Variants in PAPPA observed in about 807,000 individuals in gnomAD.
PAPPA encodes pappalysin-1.
Under a neutral mutation model 164.0 loss-of-function variants are expected in PAPPA, and 60 were observed. The observed-to-expected ratio is 0.37, with a 90% CI of 0.30 to 0.45. The LOEUF is 0.45. Among genes scored for constraint, PAPPA ranks in the 20% least tolerant of loss-of-function variants. PAPPA has a pLI of 1.00. For synonymous variants in PAPPA, 875 were observed against 814.1 expected, an observed-to-expected ratio of 1.07 and a Z score of -1.27; for missense variants, 1,782 against 2,087.3, an observed-to-expected ratio of 0.85 and a Z score of 2.85.
At chr9:116,233,245 C>A (rs374041866) in intron 6 of PAPPA, among the ~76,000 whole-genome samples, 4 of 152,186 alleles carry the variant, frequency 2.6e-5, no homozygotes, top group African/African-American at 9.6e-5. Flanking sequence ...AAAATGACAA[C>A]GATCTTACAG....
chr9:116,343,672 G>A (rs1322311949), intron 13 of PAPPA, among the ~76,000 whole-genome samples: 1 of 152,140 alleles, frequency 6.6e-6, no homozygotes, highest in African/African-American at 2.4e-5. Flanking sequence ...CCGAAGCTCA[G>A]AGATGTGATG....
chr9:116,240,608 C>A (rs1844724006), intron 7 of PAPPA, among the ~76,000 whole-genome samples: 1 of 152,148 alleles, frequency 6.6e-6, no homozygotes, highest in African/African-American at 2.4e-5. Context: ...GTGTCAAGCA[C>A]TAACTAGGGA....
chr9:116,322,152 C>T (rs187901974), intron 10 of PAPPA, among the ~76,000 whole-genome samples: 56 of 152,274 alleles, frequency 3.7e-4, no homozygotes, highest in African/African-American at 1.3e-3. Flanking sequence ...GCTGGCCAGG[C>T]GCGGTGACTC....
intron 9 of PAPPA, among the ~76,000 whole-genome samples, chr9:116,291,871 A>G (rs142311272): frequency 4.3e-4 from 66 of 152,042 alleles, no homozygotes; most frequent in Middle Eastern, 3.4e-3. Flanking sequence ...AGTGAATACT[A>G]CAGTAAAGGA....
At chr9:116,258,652 A>G (rs10983090) in intron 7 of PAPPA, among the ~76,000 whole-genome samples, 9,881 of 151,700 alleles carry the variant, frequency 0.065, 537 homozygotes, top group East Asian at 0.2. Context: ...GCAAAAATAG[A>G]CCGATGAAAC....
At chr9:116,208,395 T>A (rs1052565622) in intron 3 of PAPPA, among the ~76,000 whole-genome samples, 7 of 152,202 alleles carry the variant, frequency 4.6e-5, no homozygotes, top group Admixed American at 4.6e-4. Flanking sequence ...GTCGCAGAAG[T>A]CTTATCCTTA....
chr9:116,350,569 T>C (rs948981477), intron 15 of PAPPA, among the ~76,000 whole-genome samples: 10 of 152,216 alleles, frequency 6.6e-5, no homozygotes, highest in African/African-American at 2.2e-4. Flanking sequence ...ACCACGACTT[T>C]CACTTCATAA....
chr9:116,235,477 C>T lies in PAPPA; in HGVS notation c.2572C>T (p.Leu858=), dbSNP rs189403203. Residue 858 remains leucine (L), a synonymous_variant, in exon 7 of 22, where the codon CTG becomes TTG. Coordinates refer to ENST00000328252, the MANE Select transcript of PAPPA (RefSeq NM_002581.5). ...EEVYGIQIYT[L]DEHLEIDAAM... is the part of the protein sequence containing the mutation. ...GGTGTATGGCATCCAAATCTACACG[C>T]TGGATGAGCACCTGGAGATCGATGC... 75 of 1,613,528 alleles carry T rather than the reference C, an allele frequency of 4.6e-5. No homozygotes were observed. The East Asian group carries it at 1.3e-3, about 27-fold the overall frequency.
chr9:116,211,477 T>G (rs1013447089), intron 3 of PAPPA, among the ~76,000 whole-genome samples, 162 bp from the exon 4 acceptor site: 6 of 152,212 alleles, frequency 3.9e-5, no homozygotes, highest in Non-Finnish European at 5.9e-5. Flanking sequence ...AAGTCATGAT[T>G]CATGCCATAG....
At chr9:116,253,679 C>T (rs1844888028) in intron 7 of PAPPA, among the ~76,000 whole-genome samples, 1 of 152,110 alleles carries the variant, frequency 6.6e-6, no homozygotes, top group South Asian at 2.1e-4. Context: ...CATACATAGT[C>T]ATCACTCAGT....
At chr9:116,251,851 G>A (rs1290698420) in intron 7 of PAPPA, among the ~76,000 whole-genome samples, 1 of 152,194 alleles carries the variant, frequency 6.6e-6, no homozygotes, top group African/African-American at 2.4e-5. Context: ...CCTCCAAACT[G>A]TTAAATGTCT....
At chr9:116,252,632 A>C (rs1470481940) in intron 7 of PAPPA, among the ~76,000 whole-genome samples, 1 of 152,212 alleles carries the variant, frequency 6.6e-6, no homozygotes, top group African/African-American at 2.4e-5. Flanking sequence ...TCTGACTTCT[A>C]CAGCTGGAGA....
intron 5 of PAPPA, among the ~76,000 whole-genome samples, chr9:116,220,615 A>G (rs1844432616): frequency 6.6e-6 from 1 of 151,914 alleles, no homozygotes; most frequent in South Asian, 2.1e-4. Flanking sequence ...AAGGCCGGGC[A>G]TGGTGGCTCA....
intron 19 of PAPPA, chr9:116,373,148 G>A (rs1846597445): frequency 6.6e-6 from 1 of 152,204 alleles, no homozygotes; most frequent in African/African-American, 2.4e-5. Flanking sequence ...CTGACCTAGA[G>A]ATGGAGAACT....
Position 116,271,470 on chromosome 9 carries a change from G to C in PAPPA, c.2953+54G>C. Reference sequence around the variant, plus strand: ...CATGAAGAAATGAACGGTGCAGAATGGTTGGTCAATGATAATGCCAACAAT... The same window carrying C: ...CATGAAGAAATGAACGGTGCAGAATCGTTGGTCAATGATAATGCCAACAAT... On this transcript the variant is annotated intron_variant, in intron 9 of 21. Coordinates refer to ENST00000328252, the MANE Select transcript of PAPPA (RefSeq NM_002581.5). The surrounding 1 kb of genome is among the most constrained non-coding windows in gnomAD (Gnocchi z 4.2). The C allele has an allele frequency of 7.9e-7, 1 of 1,259,988 alleles. No individual in the cohort carries two copies. Among genetic ancestry groups the C allele is most frequent in the Non-Finnish European group, 1.2e-6 (1 of 858,058 alleles). The allele number at this position is 1,259,988 out of a possible 1,614,324, so 78.1% of individuals were successfully genotyped here.
intron 9 of PAPPA, among the ~76,000 whole-genome samples, chr9:116,278,762 G>T (rs926506157): frequency 1.3e-5 from 2 of 151,842 alleles, no homozygotes; most frequent in Non-Finnish European, 2.9e-5. Flanking sequence ...TTACTACATG[G>T]GTCTTTTTAG....
chr9:116,212,748 G>C (rs1267939323), intron 4 of PAPPA, among the ~76,000 whole-genome samples: 1 of 152,174 alleles, frequency 6.6e-6, no homozygotes, highest in Non-Finnish European at 1.5e-5. Context: ...AAAGGGAGGA[G>C]AGAGGGAGGG....
intron 1 of PAPPA, among the ~76,000 whole-genome samples, chr9:116,179,684 G>A (rs1490553413): frequency 1.1e-4 from 16 of 152,096 alleles, no homozygotes; most frequent in Admixed American, 1.0e-3. Context: ...AGTCCTCCAG[G>A]TCATTTTGGT....
chr9:116,242,413 G>T (rs765992372), intron 7 of PAPPA, among the ~76,000 whole-genome samples: 1 of 152,164 alleles, frequency 6.6e-6, no homozygotes, highest in Non-Finnish European at 1.5e-5. Context: ...TGTCAGAAGG[G>T]CATACTCAAC....
Sources: allele counts gnomAD v4.1 joint callset (sites outside exome capture counted in the v4.1 genomes callset), GRCh38; gene constraint gnomAD v4.1.1; non-coding constraint Gnocchi (gnomAD v3.1); transcripts MANE v1.5; gene names NCBI Gene and HGNC (gene_info 2026-07-23, HGNC 2026-07-21).